The following ROR1 variants were observed in gnomAD, a reference collection of about 807,000 sequenced individuals.
ROR1 encodes inactive tyrosine-protein kinase transmembrane receptor ROR1.
Under a neutral mutation model 78.8 loss-of-function variants are expected in ROR1, and 19 were observed. The ratio of observed to expected loss-of-function variants is 0.24; its 90% CI spans 0.17 to 0.35. The LOEUF is 0.35. ROR1 is among the 10% of genes least tolerant of loss of function. The pLI, the probability that ROR1 is intolerant of heterozygous loss-of-function variation, is 1.00. For missense variants in ROR1, 917 were observed against 1,177.8 expected, an observed-to-expected ratio of 0.78 and a Z score of 3.24; for synonymous variants, 386 against 433.6, an observed-to-expected ratio of 0.89 and a Z score of 1.36.
intron 1 of ROR1, among the ~76,000 whole-genome samples, chr1:63,835,615 G>A (rs2100305110): frequency 6.6e-6 from 1 of 152,348 alleles, no homozygotes; most frequent in Non-Finnish European, 1.5e-5. Flanking sequence ...TCGGTCATCA[G>A]TCGTGTGCCA....
chr1:63,993,193 C>A (rs1387676274), intron 1 of ROR1, among the ~76,000 whole-genome samples: 4 of 152,270 alleles, frequency 2.6e-5, no homozygotes, highest in African/African-American at 7.2e-5. Flanking sequence ...CCCTTGGCAA[C>A]CTGAGATGTT....
chr1:63,951,488 G>A (rs574546183), intron 1 of ROR1, among the ~76,000 whole-genome samples: 14 of 152,210 alleles, frequency 9.2e-5, no homozygotes, highest in Admixed American at 5.2e-4. Context: ...CGTCTCTGAG[G>A]AGGGGACAAC....
intron 1 of ROR1, among the ~76,000 whole-genome samples, chr1:63,944,308 G>A (rs1047736750): frequency 2.0e-5 from 3 of 152,050 alleles, no homozygotes; most frequent in Admixed American, 2.0e-4. Context: ...GGTTGAAAAA[G>A]ATGACACTTC....
At chr1:63,786,940 G>T (rs539334415) in intron 1 of ROR1, among the ~76,000 whole-genome samples, 1 of 152,134 alleles carries the variant, frequency 6.6e-6, no homozygotes, top group African/African-American at 2.4e-5. Flanking sequence ...GAGAAATATG[G>T]CAATATCCTC....
chr1:63,997,603 T>C (rs1354865864), intron 1 of ROR1, among the ~76,000 whole-genome samples: 1 of 152,194 alleles, frequency 6.6e-6, no homozygotes, highest in Non-Finnish European at 1.5e-5. Flanking sequence ...TGTTTTTCAG[T>C]TATTTTTACA....
intron 4 of ROR1, among the ~76,000 whole-genome samples, chr1:64,096,765 T>A (rs1647315223): frequency 6.6e-6 from 1 of 152,202 alleles, no homozygotes; most frequent in African/African-American, 2.4e-5. Context: ...TACCTAGTAA[T>A]GGAATTGCTG....
At chr1:64,177,105 C>A (rs1349657211) in intron 8 of ROR1, among the ~76,000 whole-genome samples, 3 of 152,188 alleles carry the variant, frequency 2.0e-5, no homozygotes, top group African/African-American at 7.2e-5. Context: ...CTGAGGTGGG[C>A]CCAAGAGTCT....
chr1:63,940,840 TATC>T (rs1645832948), intron 1 of ROR1, among the ~76,000 whole-genome samples: 1 of 152,200 alleles, frequency 6.6e-6, no homozygotes, highest in African/African-American at 2.4e-5. Context: ...ATCAGGTTAA[TATC>T]ATGAATGAGA....
At chr1:63,924,212 T>G (rs1044022831) in intron 1 of ROR1, among the ~76,000 whole-genome samples, 6 of 152,152 alleles carry the variant, frequency 3.9e-5, no homozygotes, top group South Asian at 2.1e-4. Flanking sequence ...ATTTTCTTCA[T>G]GTACTCAGCA....
At chr1:64,054,982 C>T (rs1483778077) in intron 4 of ROR1, among the ~76,000 whole-genome samples, 1 of 152,098 alleles carries the variant, frequency 6.6e-6, no homozygotes, top group African/African-American at 2.4e-5. Context: ...ATATGTGTAG[C>T]CCTTAATTTC....
chr1:64,132,189 A>G (rs1648934408), intron 4 of ROR1, among the ~76,000 whole-genome samples: 1 of 152,272 alleles, frequency 6.6e-6, no homozygotes, highest in South Asian at 2.1e-4. Flanking sequence ...TTCACTTAGC[A>G]TGTTTTTGAG....
At chr1:64,122,495 T>C (rs1648578067) in intron 4 of ROR1, among the ~76,000 whole-genome samples, 1 of 152,226 alleles carries the variant, frequency 6.6e-6, no homozygotes, top group Non-Finnish European at 1.5e-5. Flanking sequence ...AGCAGTCATG[T>C]ACTGGAAACC....
intron 2 of ROR1, among the ~76,000 whole-genome samples, chr1:64,030,803 T>C (rs1305052194): frequency 6.6e-6 from 1 of 152,208 alleles, no homozygotes; most frequent in Non-Finnish European, 1.5e-5. Context: ...AGAAAACTTA[T>C]ATTTAGATTA....
chr1:64,114,154 AAGCTGAT>A (rs1258309772), intron 4 of ROR1, among the ~76,000 whole-genome samples: 3 of 152,072 alleles, frequency 2.0e-5, no homozygotes, highest in African/African-American at 7.2e-5. Flanking sequence ...TAGAAAGCCC[AAGCTGAT>A]GACTGAAGCT....
Position 64,181,486 on chromosome 1 carries a change from G to A in ROR1, c.*2631G>A, listed in dbSNP as rs1226759742. ...TTTTATGCTGCTGTTTATTAAAAAT[G>A]TTTACTATAAAATATTATTTCCTGA... On this transcript the variant is annotated 3_prime_UTR_variant, in exon 9 of 9. Transcript: ENST00000371079. 4 of 152,064 alleles carry A rather than the reference G, an allele frequency of 2.6e-5. No homozygotes were observed. The highest frequency in any genetic ancestry group is 5.9e-5 in the Non-Finnish European group (4 of 67,980). 9.4% of individuals were successfully genotyped at this position (152,064 alleles called of 1,614,324 possible).
chr1:63,905,620 G>A (rs1336479777), intron 1 of ROR1, among the ~76,000 whole-genome samples: 1 of 152,178 alleles, frequency 6.6e-6, no homozygotes, highest in African/African-American at 2.4e-5. Flanking sequence ...GATGGAAAAA[G>A]CTGTCACAAG....
At chr1:64,050,811 C>A in intron 4 of ROR1, 95 bp downstream of exon 4, 2 of 1,208,546 alleles carry the variant, frequency 1.7e-6, no homozygotes, top group Non-Finnish European at 2.5e-6. Context: ...AGCCAAAATA[C>A]TGGCTTCCAG....
intron 4 of ROR1, among the ~76,000 whole-genome samples, chr1:64,129,155 T>G (rs958341676): frequency 6.6e-6 from 1 of 152,094 alleles, no homozygotes; most frequent in African/African-American, 2.4e-5. Flanking sequence ...GCAGAAGGAA[T>G]GGGAAACAAA....
chr1:64,044,084 A>T (rs113535674), intron 2 of ROR1, among the ~76,000 whole-genome samples: 1 of 152,224 alleles, frequency 6.6e-6, no homozygotes, highest in East Asian at 1.9e-4. Context: ...GATCTGACAC[A>T]ATCGCTTGGG....
Sources: allele counts gnomAD v4.1 joint callset (sites outside exome capture counted in the v4.1 genomes callset), GRCh38; gene constraint gnomAD v4.1.1; transcripts MANE v1.5; gene names NCBI Gene and HGNC (gene_info 2026-07-23, HGNC 2026-07-21).